The following FAS variants were observed in gnomAD, a reference collection of about 807,000 sequenced individuals.
FAS encodes tumor necrosis factor receptor superfamily member 6.
In FAS, 5 loss-of-function variants were observed where a neutral mutation model predicts 33.2. That is an observed-to-expected ratio of 0.15 (90% CI 0.08 to 0.32). The LOEUF is 0.32. FAS is among the 10% of genes least tolerant of loss of function. The pLI, the probability that FAS is intolerant of heterozygous loss-of-function variation, is 1.00. For synonymous variants in FAS, 131 were observed against 130.7 expected (o/e 1.00, Z -0.01); for missense variants, 339 against 386.0 (o/e 0.88, Z 1.02).
chr10:89,003,433 A>T (rs563486583), intron 2 of FAS, among the ~76,000 whole-genome samples: 4 of 152,334 alleles, frequency 2.6e-5, no homozygotes, highest in African/African-American at 9.6e-5. Flanking sequence ...TGAAATGAGA[A>T]GACTGGTCTA....
chr10:88,995,544 T>C (rs1334022574), intron 1 of FAS, among the ~76,000 whole-genome samples: 2 of 152,320 alleles, frequency 1.3e-5, no homozygotes, highest in South Asian at 2.1e-4. Context: ...ACCTTTAGGC[T>C]GGGCAGGTGA....
chr10:88,990,953 GGGGATAGGCAAAGT>G lies in FAS; in HGVS notation c.30+51_30+64del, dbSNP rs1847145944. ...TGGAGGCTTACCCCGTCTTAGTCCC[GGGGATAGGCAAAGT>G]GGGGCGGGCGCGGGACGCGTGCGGG... On this transcript the variant is annotated intron_variant, in intron 1 of 8. Coordinates refer to ENST00000652046, the MANE Select transcript of FAS (RefSeq NM_000043.6). This position sits in a 1 kb window ranked among gnomAD's most constrained non-coding sequence, Gnocchi z 4.9. 2 of 1,613,632 alleles carry G rather than the reference GGGGATAGGCAAAGT, an allele frequency of 1.2e-6. No homozygotes were observed. The highest frequency in any genetic ancestry group is 1.7e-5 in the Admixed American group (1 of 60,012).
chr10:88,991,274 G>A (rs1049949370), intron 1 of FAS: 13 of 432,884 alleles, frequency 3.0e-5, no homozygotes, highest in South Asian at 4.5e-5. Context: ...GGTCGCTGGA[G>A]GGGGACCCCG....
Position 89,013,373 on chromosome 10 carries a change from G to A in FAS, c.676+6G>A. ...AGTGGCAATAAATTTATCTGGTAAG[G>A]CTTTTATCATTTTATTTCATAGAGA... On this transcript the variant is annotated splice_donor_region_variant and intron_variant, in intron 8 of 8. Transcript: ENST00000652046. 2.5e-6 allele frequency: 4 copies of A among 1,611,382 alleles called. No homozygotes were observed. The highest frequency in any genetic ancestry group is 3.4e-6 in the Non-Finnish European group (4 of 1,178,734).
At chr10:88,999,244 G>C (rs1847795749) in intron 1 of FAS, among the ~76,000 whole-genome samples, 1 of 151,954 alleles carries the variant, frequency 6.6e-6, no homozygotes, top group Non-Finnish European at 1.5e-5. Context: ...TCTGCCTTCT[G>C]TTACTTCTTT....
chr10:89,012,563 A>T lies in FAS; in HGVS notation c.651+482A>T, dbSNP rs182935208. The T allele has an allele frequency of 1.2e-4, 19 of 158,202 alleles. No homozygotes were observed. In the East Asian group the frequency reaches 3.4e-3, roughly 28 times the overall value. 9.8% of individuals were successfully genotyped at this position (158,202 alleles called of 1,614,324 possible). A position where few individuals can be genotyped will look rare whatever the true frequency, so the allele number is the denominator to read the frequency against. ...ACAGATGAATTATGATATGGTACCCAAATTAAAAGTAAACTTGTACACAAA... is the reference window on the plus strand; with the variant it reads ...ACAGATGAATTATGATATGGTACCCTAATTAAAAGTAAACTTGTACACAAA... On this transcript the variant is annotated intron_variant, in intron 7 of 8. Coordinates refer to ENST00000652046, the MANE Select transcript of FAS (RefSeq NM_000043.6).
rs999527840 is a variant in FAS, at chr10:89,016,314, A to T, written c.*1864A>T. On this transcript the variant is annotated 3_prime_UTR_variant, in exon 9 of 9. Transcript: ENST00000652046. ...TGTCTTTAGGCAGAAAGTCTGAGTG[A>T]TCACAGGGTTCACTCATTAATTTCT... The T allele has an allele frequency of 4.5e-6, 1 of 219,784 alleles. No homozygotes were observed. The highest frequency in any genetic ancestry group is 9.1e-6 in the Non-Finnish European group (1 of 109,620). 13.6% of individuals were successfully genotyped at this position (219,784 alleles called of 1,614,324 possible). A position where few individuals can be genotyped will look rare whatever the true frequency, so the allele number is the denominator to read the frequency against.
At chr10:88,988,423 T>G (rs111695595), upstream of FAS, among the ~76,000 whole-genome samples, 41,082 of 76,126 alleles carry the variant, frequency 0.54, 6,205 homozygotes, top group Admixed American at 0.55. Flanking sequence ...GAAGTTTTTT[T>G]TTTTTTTTGT....
intron 1 of FAS, among the ~76,000 whole-genome samples, chr10:88,968,849 C>A (rs535656512): frequency 2.2e-4 from 34 of 152,200 alleles, no homozygotes; most frequent in Middle Eastern, 3.4e-3. Context: ...TTATTCATCC[C>A]TTTTAAAGCC....
intron 2 of FAS, among the ~76,000 whole-genome samples, chr10:89,006,518 G>A (rs1422513955): frequency 6.6e-6 from 1 of 152,154 alleles, no homozygotes; most frequent in African/African-American, 2.4e-5. Flanking sequence ...AGATTAAACT[G>A]CTTATATTTT....
upstream of FAS, among the ~76,000 whole-genome samples, chr10:88,983,609 C>CAAAAA (rs71022549): frequency 2.6e-4 from 12 of 46,456 alleles, 2 homozygotes; most frequent in Non-Finnish European, 3.6e-4. Context: ...ACAGGTTATG[C>CAAAAA]AAAAAAAAAA....
chr10:88,978,406 T>A (rs929800844), intron 2 of FAS, among the ~76,000 whole-genome samples: 27 of 148,460 alleles, frequency 1.8e-4, no homozygotes, highest in Non-Finnish European at 3.8e-4. Flanking sequence ...TAATAAAAAA[T>A]AAATAAATAA....
chr10:89,008,704 T>C (rs1200255204), intron 3 of FAS, among the ~76,000 whole-genome samples, 185 bp from the exon 4 acceptor site: 1 of 152,226 alleles, frequency 6.6e-6, no homozygotes, highest in African/African-American at 2.4e-5. Context: ...TGCTAAATGA[T>C]TGCTGGCCAT....
chr10:88,986,944 A>G (rs886842749), upstream of FAS, among the ~76,000 whole-genome samples: 2 of 152,226 alleles, frequency 1.3e-5, no homozygotes, highest in Non-Finnish European at 2.9e-5. Flanking sequence ...TGATTTGCAT[A>G]TGTCATTTCT....
intron 2 of FAS, 116 bp from the exon 3 acceptor site, chr10:89,007,584 A>AC (rs1171462655): frequency 1.8e-5 from 22 of 1,204,542 alleles, no homozygotes; most frequent in Middle Eastern, 2.7e-4. Context: ...TCATTAGCCT[A>AC]CCCCCCCTCC....
At chr10:88,989,639 A>G (rs951835468), upstream of FAS, 6 of 510,256 alleles carry the variant, frequency 1.2e-5, no homozygotes, top group African/African-American at 1.2e-4. Context: ...AGGGTAACCT[A>G]ACCTAGATTT....
chr10:88,972,749 G>A (rs775110022), intron 1 of FAS, among the ~76,000 whole-genome samples: 1 of 152,024 alleles, frequency 6.6e-6, no homozygotes, highest in Admixed American at 6.6e-5. Context: ...TATATTATAA[G>A]CCTCATACAA....
intron 1 of FAS, among the ~76,000 whole-genome samples, chr10:88,972,284 T>C (rs1001507145): frequency 6.6e-6 from 1 of 151,860 alleles, no homozygotes; most frequent in Non-Finnish European, 1.5e-5. Flanking sequence ...GGGAGAGGAG[T>C]GTAAATTCAG....
At chr10:88,968,398 TAATGGAGCAATTA>T (rs139844950) in intron 1 of FAS, among the ~76,000 whole-genome samples, 80,150 of 151,884 alleles carry the variant, frequency 0.53, 23,053 homozygotes, top group Non-Finnish European at 0.66. Flanking sequence ...TTAAAACTCA[TAATGGAGCAATTA>T]AAACCATGTT....
Sources: gnomAD v4.1 joint callset for allele counts (sites outside exome capture counted in the v4.1 genomes callset) on GRCh38, gnomAD v4.1.1 for gene constraint, Gnocchi (gnomAD v3.1) non-coding constraint, MANE v1.5 for transcripts, NCBI Gene and HGNC (gene_info 2026-07-23, HGNC 2026-07-21) for gene names.